The following NAB1 variants were observed in gnomAD, a reference collection of about 807,000 sequenced individuals.
NAB1 encodes NGFI-A binding protein 1.
NAB1 carries 25 observed loss-of-function variants against 49.9 expected under a neutral mutation model. The observed-to-expected ratio is 0.50, with a 90% CI of 0.37 to 0.70. The LOEUF (loss-of-function observed/expected upper bound fraction) is 0.70. Ranked by LOEUF, NAB1 falls within the 30% of genes least tolerant of loss-of-function variation. The pLI is 0.00. For synonymous variants in NAB1, 198 were observed against 215.6 expected (o/e 0.92, Z 0.71); for missense variants, 489 against 575.9 (o/e 0.85, Z 1.54).
Position 190,652,323 on chromosome 2 carries a change from C to G in NAB1, c.-197+2341C>G, listed in dbSNP as rs1172103225. Among the ~76,000 whole-genome samples the G allele has an allele frequency of 6.6e-6, 1 of 152,098 alleles. No homozygotes were observed. Among genetic ancestry groups the G allele is most frequent in the Non-Finnish European group, 1.5e-5 (1 of 68,022 alleles). On this transcript the variant is annotated intron_variant, in intron 2 of 9. Coordinates refer to ENST00000337386, the MANE Select transcript of NAB1 (RefSeq NM_005966.4). This position sits in a 1 kb window ranked among gnomAD's most constrained non-coding sequence, Gnocchi z 4.2. ...AGGTGAAAAAAACTTATAAATATTGCCTGCATACTCTGTGCTCAGTGGGTA... is the reference window on the plus strand; with the variant it reads ...AGGTGAAAAAAACTTATAAATATTGGCTGCATACTCTGTGCTCAGTGGGTA...
intron 4 of NAB1, among the ~76,000 whole-genome samples, chr2:190,665,912 A>C (rs933390271): frequency 6.6e-6 from 1 of 151,550 alleles, no homozygotes; most frequent in African/African-American, 2.4e-5. Flanking sequence ...GGCATCTTAG[A>C]CTCTTCAATT....
At chr2:190,688,821 T>G (rs898386387) in intron 9 of NAB1, among the ~76,000 whole-genome samples, 4 of 151,662 alleles carry the variant, frequency 2.6e-5, no homozygotes, top group African/African-American at 9.7e-5. Context: ...TTTCTTTCCT[T>G]TCTTTCTTTT....
At chr2:190,664,159 T>C (rs1023063970) in intron 4 of NAB1, among the ~76,000 whole-genome samples, 2 of 152,228 alleles carry the variant, frequency 1.3e-5, no homozygotes, top group Non-Finnish European at 2.9e-5. Context: ...TTTGTCTGCT[T>C]GCTCTGTCAG....
In NAB1 at chr2:190,674,013, A is replaced by G. The variant is rs1259176760; in HGVS notation, c.1005+861A>G. Among the ~76,000 whole-genome samples the G allele has an allele frequency of 1.3e-5, 2 of 152,198 alleles. No individual in the cohort carries two copies. Among genetic ancestry groups the G allele is most frequent in the Admixed American group, 1.3e-4 (2 of 15,278 alleles). ...TATTTAATTTCAAGTTAAAGCAAAT[A>G]ATCTATGCTTGACCACCCTAAATTT... On this transcript the variant is annotated intron_variant, in intron 6 of 9. Coordinates refer to ENST00000337386, the MANE Select transcript of NAB1 (RefSeq NM_005966.4). The surrounding 1 kb of genome is among the most constrained non-coding windows in gnomAD (Gnocchi z 5.7).
chr2:190,687,395 CAAAAAA>C (rs60742412), intron 9 of NAB1, 78 bp downstream of exon 9: 2,482 of 160,930 alleles, frequency 0.015, no homozygotes, highest in Middle Eastern at 0.03. Context: ...CCTCCCCCAT[CAAAAAA>C]AAAAAAAAAA....
chr2:190,659,667 A>G lies in NAB1; in HGVS notation c.491A>G (p.His164Arg). ...GGTGAGTCCAGACTCTGGCAAGGCC[A>G]CCATGCCACTGAGAGCGAGCACAGC... ...SVGESRLWQG[H>R]HATESEHSLS... is the part of the protein sequence containing the mutation. Residue 164 changes from histidine (H) to arginine (R), a missense_variant, in exon 4 of 10, where the codon CAC becomes CGC. Physicochemically the swap from His to Arg is conservative, Grantham distance 29. Around this residue, in one of 4 missense-constraint regions of NAB1, gnomAD observed 204 missense variants for 220.9 expected, o/e 0.92. Coordinates refer to ENST00000337386, the MANE Select transcript of NAB1 (RefSeq NM_005966.4). This position sits in a 1 kb window ranked among gnomAD's most constrained non-coding sequence, Gnocchi z 6.2. 1 of 1,613,860 alleles carries G rather than the reference A, an allele frequency of 6.2e-7. No homozygotes were observed. The highest frequency in any genetic ancestry group is 1.1e-5 in the South Asian group (1 of 91,064).
intron 4 of NAB1, 22 bp downstream of exon 4, chr2:190,660,017 T>G (rs1254434958): frequency 6.3e-7 from 1 of 1,590,104 alleles, no homozygotes; most frequent in Non-Finnish European, 8.6e-7. Flanking sequence ...GCGTTGTTCC[T>G]TCTGTGTGTG....
Position 190,689,069 on chromosome 2 carries a change from G to A in NAB1, c.1376-1176G>A, listed in dbSNP as rs938796806. On this transcript the variant is annotated intron_variant, in intron 9 of 9. Transcript: ENST00000337386. This position sits in a 1 kb window ranked among gnomAD's most constrained non-coding sequence, Gnocchi z 4.3. ...TCTCAATCTCCTGACCTTGTGATCC[G>A]CCCGCCTCGGCCCCACAAAGTGCTG... Among the ~76,000 whole-genome samples, 7 of 152,056 alleles carry A rather than the reference G, an allele frequency of 4.6e-5. No individual in the cohort carries two copies. The highest frequency in any genetic ancestry group is 4.1e-4 in the South Asian group (2 of 4,824).
At position 190,670,517 on chromosome 2, in the gene NAB1, AACATCAT is replaced by A; in HGVS notation, c.953+59_953+65del. 1.9e-6 allele frequency: 3 copies of A among 1,540,464 alleles called. No homozygotes were observed. Among genetic ancestry groups the A allele is most frequent in the Non-Finnish European group, 2.7e-6 (3 of 1,121,096 alleles). On this transcript the variant is annotated intron_variant, in intron 5 of 9. Coordinates refer to ENST00000337386, the MANE Select transcript of NAB1 (RefSeq NM_005966.4). This position sits in a 1 kb window ranked among gnomAD's most constrained non-coding sequence, Gnocchi z 5.3. ...ATTGCTTGAGAGAAGTAGAGTTCGA[AACATCAT>A]CTATTGATAGAATATAAGCATTTCT...
chr2:190,672,414 TTC>T (rs1343820657), intron 5 of NAB1, among the ~76,000 whole-genome samples: 1 of 152,208 alleles, frequency 6.6e-6, no homozygotes, highest in African/African-American at 2.4e-5. Flanking sequence ...CATGAAATAA[TTC>T]TGTGTCTTAC....
intron 5 of NAB1, among the ~76,000 whole-genome samples, chr2:190,671,769 C>CCT (rs1694821289): frequency 1.4e-5 from 1 of 71,722 alleles, no homozygotes; most frequent in South Asian, 5.4e-4. Context: ...TTCACCTTTC[C>CCT]TTTTTTTTTT....
rs1047190433 is a variant in NAB1, at chr2:190,652,555, A to C, written c.-197+2573A>C. Among the ~76,000 whole-genome samples the C allele has an allele frequency of 1.3e-5, 2 of 152,226 alleles. No homozygotes were observed. The highest frequency in any genetic ancestry group is 4.8e-5 in the African/African-American group (2 of 41,472). ...TTTATTAAAATTTTAAGGTGTCTCTAAAATTTTTTTCCAGCTTCATTCATT... is the reference window on the plus strand; with the variant it reads ...TTTATTAAAATTTTAAGGTGTCTCTCAAATTTTTTTCCAGCTTCATTCATT... On this transcript the variant is annotated intron_variant, in intron 2 of 9. Transcript: ENST00000337386. The surrounding 1 kb of genome is among the most constrained non-coding windows in gnomAD (Gnocchi z 4.2).
At chr2:190,673,047 A>C (rs1694894615) in intron 5 of NAB1, 54 bp from the exon 6 acceptor site, 1 of 1,565,430 alleles carries the variant, frequency 6.4e-7, no homozygotes, top group Non-Finnish European at 8.7e-7. Context: ...CCTTTGGAAT[A>C]AAATCAGTTA....
At chr2:190,688,899 G>A (rs1274021413) in intron 9 of NAB1, among the ~76,000 whole-genome samples, 1 of 150,712 alleles carries the variant, frequency 6.6e-6, no homozygotes, top group East Asian at 1.9e-4. Context: ...GAGTGCAGTG[G>A]CTCAGTCTCG....
At chr2:190,671,660 AACTC>A (rs1056434853) in intron 5 of NAB1, among the ~76,000 whole-genome samples, 36 of 152,168 alleles carry the variant, frequency 2.4e-4, no homozygotes, top group Admixed American at 2.2e-3. Context: ...CTAACAATGA[AACTC>A]AACGGTTCCT....
rs749425339 is a variant in NAB1 at position 190,691,555 on chromosome 2, G to C, written c.*1222G>C. On this transcript the variant is annotated 3_prime_UTR_variant, in exon 10 of 10. Coordinates refer to ENST00000337386, the MANE Select transcript of NAB1 (RefSeq NM_005966.4). This position sits in a 1 kb window ranked among gnomAD's most constrained non-coding sequence, Gnocchi z 4.1. The stretch of plus-strand genomic sequence containing the variant: ...TAATGGACCATGTGCATATATATGG[G>C]AGTGTGCTTACATGTTAATAATTTA... 6.6e-6 allele frequency: 1 copy of C among 152,100 alleles called. No homozygotes were observed. Among genetic ancestry groups the C allele is most frequent in the Non-Finnish European group, 1.5e-5 (1 of 67,992 alleles). 9.4% of individuals were successfully genotyped at this position (152,100 alleles called of 1,614,324 possible).
Position 190,667,928 on chromosome 2 carries a change from A to T in NAB1, c.820-2398A>T, listed in dbSNP as rs1245156471. ...TTAAAAAAAAATCCCATTACATATG[A>T]TGAAGAGTTAATGCTGTTAATAAAG... is the stretch of plus-strand genomic sequence containing the variant. On this transcript the variant is annotated intron_variant, in intron 4 of 9. Coordinates refer to ENST00000337386, the MANE Select transcript of NAB1 (RefSeq NM_005966.4). This position sits in a 1 kb window ranked among gnomAD's most constrained non-coding sequence, Gnocchi z 4.4. Among the ~76,000 whole-genome samples, 2 of 152,186 alleles carry T rather than the reference A, an allele frequency of 1.3e-5. No individual in the cohort carries two copies. The highest frequency in any genetic ancestry group is 1.9e-4 in the East Asian group (1 of 5,202).
At position 190,675,355 on chromosome 2, in the gene NAB1, AGTT is replaced by A. The variant is rs1405434134; in HGVS notation, c.1005+2207_1005+2209del. Reference sequence around the variant, plus strand: ...GAATCTCATGGACTGTTTGAGCTGCAGTTGTTTCTTGATGAGTTTTATTGGTAA... The same window carrying A: ...GAATCTCATGGACTGTTTGAGCTGCAGTTTCTTGATGAGTTTTATTGGTAA... On this transcript the variant is annotated intron_variant, in intron 6 of 9. Transcript: ENST00000337386. The surrounding 1 kb of genome is among the most constrained non-coding windows in gnomAD (Gnocchi z 5.2). Among the ~76,000 whole-genome samples, 3 of 152,194 alleles carry A rather than the reference AGTT, an allele frequency of 2.0e-5. No homozygotes were observed. Among genetic ancestry groups the A allele is most frequent in the African/African-American group, 4.8e-5 (2 of 41,444 alleles).
intron 6 of NAB1, among the ~76,000 whole-genome samples, chr2:190,681,389 G>T (rs1695334383): frequency 1.3e-5 from 2 of 151,028 alleles, no homozygotes; most frequent in Admixed American, 6.6e-5. Context: ...GTGGGGTGGG[G>T]GTTTGCTAAA....
Sources: allele counts gnomAD v4.1 joint callset (sites outside exome capture counted in the v4.1 genomes callset), GRCh38; gene constraint gnomAD v4.1.1; regional missense constraint gnomAD v4.1.1; non-coding constraint Gnocchi (gnomAD v3.1); transcripts MANE v1.5; gene names NCBI Gene and HGNC (gene_info 2026-07-23, HGNC 2026-07-21).